The following TUBA3D variants were observed in gnomAD, a reference collection of about 807,000 sequenced individuals.
The protein encoded by TUBA3D is tubulin alpha 3d, also known as tubulin alpha-3D chain.
TUBA3D carries 24 observed loss-of-function variants against 36.1 expected under a neutral mutation model. That is an observed-to-expected ratio of 0.66 (90% CI 0.48 to 0.93). The LOEUF (loss-of-function observed/expected upper bound fraction) is 0.93, where lower values mean the gene tolerates loss of function less well. Ranked by LOEUF, TUBA3D falls within the 40% of genes least tolerant of loss-of-function variation. TUBA3D has a pLI of 0.00. For missense variants in TUBA3D, 356 were observed against 614.5 expected, an observed-to-expected ratio of 0.58 and a Z score of 4.45; for synonymous variants, 185 against 247.2, an observed-to-expected ratio of 0.75 and a Z score of 2.36.
At position 131,480,452 on chromosome 2, in the gene TUBA3D, G is replaced by A. The variant is rs369634441; in HGVS notation, c.759G>A (p.Thr253=). Residue 253 remains threonine, a synonymous_variant, in exon 4 of 5, where the codon ACG becomes ACA. Coordinates refer to ENST00000321253, the MANE Select transcript of TUBA3D (RefSeq NM_080386.4). ...ATGGGGCCCTGAATGTGGACTTGAC[G>A]GAATTCCAGACCAACCTAGTGCCGT... is the stretch of plus-strand genomic sequence containing the variant. ...RFDGALNVDL[T]EFQTNLVPYP... is the part of the protein sequence containing the mutation. 2.1e-5 allele frequency: 33 copies of A among 1,589,062 alleles called. No homozygotes were observed. In the East Asian group the frequency reaches 6.0e-4, roughly 29 times the overall value.
chr2:131,482,131 C>T (rs1267568772), intron 4 of TUBA3D, among the ~76,000 whole-genome samples: 1 of 152,148 alleles, frequency 6.6e-6, no homozygotes, highest in Non-Finnish European at 1.5e-5. Context: ...TTCTGTGGGT[C>T]AGAAGTGGGT....
chr2:131,482,573 C>T lies in TUBA3D; in HGVS notation c.1078C>T (p.Pro360Ser), dbSNP rs1678896987. Residue 360 changes from proline to serine, a missense_variant, in exon 5 of 5, where the codon CCC (proline) becomes TCC (serine). By Grantham distance (74) the Pro-to-Ser change is moderately conservative (BLOSUM62 -1). Around this residue, in one of 3 missense-constraint regions of TUBA3D, gnomAD observed 156 missense variants for 219.8 expected, o/e 0.71. Transcript: ENST00000321253. ...GFKVGINYQP[P>S]TVVPGGDLAK... is the part of the protein sequence containing the mutation. ...GCAGGTGGGCATTAACTACCAGCCC[C>T]CCACAGTGGTCCCCGGGGGAGACCT... 1 of 1,610,150 alleles carries T rather than the reference C, an allele frequency of 6.2e-7. No individual in the cohort carries two copies. Among genetic ancestry groups the T allele is most frequent in the South Asian group, 1.1e-5 (1 of 90,924 alleles).
intron 3 of TUBA3D, among the ~76,000 whole-genome samples, chr2:131,479,661 G>A (rs1678785121): frequency 6.6e-6 from 1 of 152,152 alleles, no homozygotes. Flanking sequence ...CCTACATGGT[G>A]AAACTCTATG....
intron 4 of TUBA3D, among the ~76,000 whole-genome samples, 165 bp from the exon 5 acceptor site, chr2:131,482,387 G>A (rs1169263193): frequency 6.6e-6 from 1 of 152,178 alleles, no homozygotes; most frequent in African/African-American, 2.4e-5. Flanking sequence ...TCCTCATCTG[G>A]AACTATCACC....
rs781760209 is a variant in TUBA3D, at chr2:131,479,342, C to T, written c.261C>T (p.Phe87=). Residue 87 remains phenylalanine (F), a synonymous_variant, in exon 3 of 5, where the codon TTC becomes TTT. Coordinates refer to ENST00000321253, the MANE Select transcript of TUBA3D (RefSeq NM_080386.4). ...GCACAGGGACCTACAGGCAGCTCTTCCACCCGGAGCAGCTGATCACCGGGA... is the reference window on the plus strand; with the variant it reads ...GCACAGGGACCTACAGGCAGCTCTTTCACCCGGAGCAGCTGATCACCGGGA... ...EVRTGTYRQL[F]HPEQLITGKE... 5.6e-6 allele frequency: 9 copies of T among 1,614,018 alleles called. No individual in the cohort carries two copies. The highest frequency in any genetic ancestry group is 4.5e-5 in the East Asian group (2 of 44,886).
intron 3 of TUBA3D, 49 bp downstream of exon 3, chr2:131,479,505 G>A: frequency 6.2e-7 from 1 of 1,601,456 alleles, no homozygotes; most frequent in Non-Finnish European, 8.5e-7. Context: ...GGGAGGGGTA[G>A]TTCTTGGAAT....
At chr2:131,482,389 A>G (rs185558792) in intron 4 of TUBA3D, among the ~76,000 whole-genome samples, 163 bp from the exon 5 acceptor site, 269 of 152,306 alleles carry the variant, frequency 1.8e-3, no homozygotes, top group African/African-American at 6.3e-3. Context: ...CTCATCTGGA[A>G]CTATCACCCT....
chr2:131,482,415 G>A (rs1007214433), intron 4 of TUBA3D, 137 bp from the exon 5 acceptor site: 66 of 1,347,532 alleles, frequency 4.9e-5, no homozygotes, highest in Non-Finnish European at 6.1e-5. Context: ...GTGCAGAGAA[G>A]GGCTTAGTGA....
At chr2:131,477,707 C>CT (rs1678720184) in intron 1 of TUBA3D, among the ~76,000 whole-genome samples, 1 of 151,148 alleles carries the variant, frequency 6.6e-6, no homozygotes, top group Admixed American at 6.6e-5. Flanking sequence ...CGGGGTAGAA[C>CT]TGGGGGGTAG....
chr2:131,478,354 C>T lies in TUBA3D; in HGVS notation c.194C>T (p.Ala65Val). The stretch of plus-strand genomic sequence containing the variant: ...GGAGCTGGCAAGCACGTGCCCAGAG[C>T]AGTGTTTGTGGACCTGGAGCCCACT... ...ETGAGKHVPR[A>V]VFVDLEPTVV... The change falls in exon 2 of 5, where the codon GCA becomes GTA. Residue 65 changes from alanine to valine, a missense_variant. Around this residue, in one of 3 missense-constraint regions of TUBA3D, gnomAD observed 109 missense variants for 153.7 expected, o/e 0.71. Transcript: ENST00000321253. The T allele has an allele frequency of 6.2e-7, 1 of 1,613,880 alleles. No individual in the cohort carries two copies. Among genetic ancestry groups the T allele is most frequent in the South Asian group, 1.1e-5 (1 of 91,066 alleles).
chr2:131,481,309 C>T (rs1474796915), intron 4 of TUBA3D, among the ~76,000 whole-genome samples: 1 of 151,248 alleles, frequency 6.6e-6, no homozygotes, highest in Non-Finnish European at 1.5e-5. Context: ...TGCTTTGTCC[C>T]CCAGGCTGTA....
rs1678740102 is a variant in TUBA3D at position 131,478,244 on chromosome 2, T to C, written c.84T>C (p.His28=). Residue 28 remains histidine, a synonymous_variant, in exon 2 of 5, where the codon CAT becomes CAC. Coordinates refer to ENST00000321253, the MANE Select transcript of TUBA3D (RefSeq NM_080386.4). The stretch of plus-strand genomic sequence containing the variant: ...GCTGGGAACTGTACTGCCTTGAACA[T>C]GGAATTCAGCCCGATGGCCAAATGC... ...NACWELYCLE[H]GIQPDGQMPS... The C allele has an allele frequency of 1.2e-6, 2 of 1,614,082 alleles. No individual in the cohort carries two copies. The highest frequency in any genetic ancestry group is 4.5e-5 in the East Asian group (2 of 44,882).
chr2:131,477,033 C>CTTT (rs778753012), intron 1 of TUBA3D, among the ~76,000 whole-genome samples: 13,985 of 138,338 alleles, frequency 0.1, 2,547 homozygotes, highest in African/African-American at 0.36. Flanking sequence ...CTTTCTTTTT[C>CTTT]TTTCTTTTTT....
intron 3 of TUBA3D, 94 bp downstream of exon 3, chr2:131,479,550 A>G: frequency 6.4e-7 from 1 of 1,570,620 alleles, no homozygotes. Flanking sequence ...CACTTAGACC[A>G]GCATCTTGGC....
At chr2:131,481,191 A>G (rs1176038948) in intron 4 of TUBA3D, among the ~76,000 whole-genome samples, 1 of 152,098 alleles carries the variant, frequency 6.6e-6, no homozygotes, top group Non-Finnish European at 1.5e-5. Context: ...GTCGTGAGCC[A>G]CTGCACCTAG....
In TUBA3D at chr2:131,480,681, G is replaced by A. The variant is rs746492290; in HGVS notation, c.988G>A (p.Ala330Thr). The change falls in exon 4 of 5, where the codon GCG becomes ACG. Residue 330 changes from alanine to threonine, a missense_variant. By Grantham distance (58) the Ala-to-Thr change is moderately conservative. Coordinates refer to ENST00000321253, the MANE Select transcript of TUBA3D (RefSeq NM_080386.4). ...RGDVVPKDVN[A>T]AIATIKTKRT... ...GGACGTGGTCCCCAAAGACGTCAACGCGGCCATCGCCACCATCAAGACCAA... is the reference window on the plus strand; with the variant it reads ...GGACGTGGTCCCCAAAGACGTCAACACGGCCATCGCCACCATCAAGACCAA... 25 of 1,613,708 alleles carry A rather than the reference G, an allele frequency of 1.5e-5. No homozygotes were observed. The highest frequency in any genetic ancestry group is 6.6e-5 in the South Asian group (6 of 91,072).
chr2:131,479,821 CAG>C (rs1266315073), intron 3 of TUBA3D, among the ~76,000 whole-genome samples: 1 of 152,106 alleles, frequency 6.6e-6, no homozygotes, highest in Non-Finnish European at 1.5e-5. Flanking sequence ...GCCTGGGAAA[CAG>C]AGCAAGATTC....
In TUBA3D at chr2:131,476,166, G is replaced by C. The variant is rs180816824; in HGVS notation, c.-34G>C. On this transcript the variant is annotated 5_prime_UTR_variant, in exon 1 of 5. Coordinates refer to ENST00000321253, the MANE Select transcript of TUBA3D (RefSeq NM_080386.4). ...AGCTGTGGCAGCCGGTTGAGGTCTG[G>C]CAGTAGCGTTGGGCTGAAGCAGCGG... 1 of 1,613,758 alleles carries C rather than the reference G, an allele frequency of 6.2e-7. No homozygotes were observed. The highest frequency in any genetic ancestry group is 8.5e-7 in the Non-Finnish European group (1 of 1,179,950).
chr2:131,479,238 C>T (rs1678768654), intron 2 of TUBA3D, 70 bp from the exon 3 acceptor site: 1 of 1,573,398 alleles, frequency 6.4e-7, no homozygotes, highest in East Asian at 2.2e-5. Flanking sequence ...GAAGTGAACA[C>T]TCCTGGAATG....
Sources: gnomAD v4.1 joint callset for allele counts (sites outside exome capture counted in the v4.1 genomes callset) on GRCh38, gnomAD v4.1.1 for gene constraint, gnomAD v4.1.1 regional missense constraint, MANE v1.5 for transcripts, NCBI Gene and HGNC (gene_info 2026-07-23, HGNC 2026-07-21) for gene names.